The following AUTS2 variants were observed in gnomAD, a reference collection of about 807,000 sequenced individuals.
AUTS2 encodes the protein activator of transcription and developmental regulator AUTS2.
A neutral mutation model predicts 112.4 loss-of-function variants in AUTS2; 17 were observed. The ratio of observed to expected loss-of-function variants is 0.15; its 90% CI spans 0.10 to 0.23. The LOEUF (loss-of-function observed/expected upper bound fraction) is 0.23, where lower values mean the gene tolerates loss of function less well. AUTS2 is among the 10% of genes least tolerant of loss of function. The pLI, the probability that AUTS2 is intolerant of heterozygous loss-of-function variation, is 1.00. For missense variants in AUTS2, 1,510 were observed against 1,701.6 expected (o/e 0.89, Z 1.98); for synonymous variants, 751 against 702.7 (o/e 1.07, Z -1.09).
At chr7:70,135,974 A>G (rs1806537631) in intron 4 of AUTS2, among the ~76,000 whole-genome samples, 2 of 152,044 alleles carry the variant, frequency 1.3e-5, no homozygotes, top group South Asian at 2.1e-4. Flanking sequence ...CAAAGCCACT[A>G]CCTTAGTCCT....
intron 1 of AUTS2, among the ~76,000 whole-genome samples, chr7:69,766,384 G>T (rs1178414439): frequency 6.6e-6 from 1 of 152,132 alleles, no homozygotes; most frequent in Admixed American, 6.6e-5. Context: ...ACTCTTGGCT[G>T]TTACAAATAA....
chr7:70,009,103 T>C (rs780129027), intron 2 of AUTS2, among the ~76,000 whole-genome samples: 22 of 152,018 alleles, frequency 1.4e-4, no homozygotes, highest in Non-Finnish European at 2.5e-4. Flanking sequence ...AAGAGTATGG[T>C]GCTGGCATCT....
chr7:70,540,180 G>A (rs1800492715), intron 5 of AUTS2, among the ~76,000 whole-genome samples: 1 of 152,134 alleles, frequency 6.6e-6, no homozygotes, highest in South Asian at 2.1e-4. Flanking sequence ...TCCTTCTTGG[G>A]TGGTAGGTTA....
At chr7:69,687,444 T>G (rs1267766012) in intron 1 of AUTS2, among the ~76,000 whole-genome samples, 1 of 152,168 alleles carries the variant, frequency 6.6e-6, no homozygotes, top group East Asian at 1.9e-4. Context: ...TTTATATACT[T>G]TGCTAACTTG....
chr7:70,373,092 G>C (rs755685594), intron 4 of AUTS2, among the ~76,000 whole-genome samples: 1 of 151,602 alleles, frequency 6.6e-6, no homozygotes, highest in East Asian at 1.9e-4. Flanking sequence ...GCAATATCAC[G>C]TGAATAATTT....
chr7:70,388,032 C>T (rs1293974993), intron 4 of AUTS2, among the ~76,000 whole-genome samples: 1 of 152,182 alleles, frequency 6.6e-6, no homozygotes, highest in Non-Finnish European at 1.5e-5. Context: ...CTGTCCTAAG[C>T]AAAGCACTGA....
intron 4 of AUTS2, among the ~76,000 whole-genome samples, chr7:70,136,978 C>T (rs551241100): frequency 2.0e-5 from 3 of 152,274 alleles, no homozygotes; most frequent in African/African-American, 7.2e-5. Flanking sequence ...TGCACACACA[C>T]GCATACACAC....
chr7:70,357,574 G>A (rs1302710886), intron 4 of AUTS2, among the ~76,000 whole-genome samples: 3 of 152,104 alleles, frequency 2.0e-5, no homozygotes. Flanking sequence ...CCTTGAAAGA[G>A]GTACACACTC....
At chr7:70,788,179 C>G (rs576641557) in intron 18 of AUTS2, among the ~76,000 whole-genome samples, 26 of 151,918 alleles carry the variant, frequency 1.7e-4, no homozygotes, top group Non-Finnish European at 3.2e-4. Flanking sequence ...TTTAAATGAA[C>G]TGATAAGGAA....
At chr7:69,704,330 T>C (rs1013992840) in intron 1 of AUTS2, among the ~76,000 whole-genome samples, 23 of 151,774 alleles carry the variant, frequency 1.5e-4, no homozygotes, top group African/African-American at 5.6e-4. Context: ...CAGGCTGGAG[T>C]GCGGTGGTGC....
chr7:70,418,769 A>G (rs763850926), intron 4 of AUTS2, among the ~76,000 whole-genome samples: 1 of 152,200 alleles, frequency 6.6e-6, no homozygotes, highest in Non-Finnish European at 1.5e-5. Flanking sequence ...ATCAAAAACG[A>G]CAGTAAATGT....
chr7:69,739,147 A>G (rs993522458), intron 1 of AUTS2, among the ~76,000 whole-genome samples: 1 of 152,074 alleles, frequency 6.6e-6, no homozygotes, highest in Non-Finnish European at 1.5e-5. Context: ...ACAACCCACC[A>G]CCTTCACTTC....
chr7:70,639,076 T>C (rs928443990), intron 5 of AUTS2, among the ~76,000 whole-genome samples: 1 of 152,088 alleles, frequency 6.6e-6, no homozygotes, highest in African/African-American at 2.4e-5. Flanking sequence ...CTCTTACAAA[T>C]GTAAAAAAGT....
At position 70,524,328 on chromosome 7, in the gene AUTS2, G is replaced by A. The variant is rs1029600956; in HGVS notation, c.690+88547G>A. Among the ~76,000 whole-genome samples, 37 of 152,222 alleles carry A rather than the reference G, an allele frequency of 2.4e-4. 1 individual carries two copies. Among genetic ancestry groups the A allele is most frequent in the Non-Finnish European group, 4.3e-4 (29 of 68,020 alleles). ...ACTTACAATGGTCATTATTCCATGTGAAGACTGTTTCCACCATATAGTTGG... is the reference window on the plus strand; with the variant it reads ...ACTTACAATGGTCATTATTCCATGTAAAGACTGTTTCCACCATATAGTTGG... On this transcript the variant is annotated intron_variant, in intron 5 of 18. Coordinates refer to ENST00000342771, the MANE Select transcript of AUTS2 (RefSeq NM_015570.4).
At chr7:70,702,485 C>G (rs1467383000) in intron 6 of AUTS2, among the ~76,000 whole-genome samples, 3 of 152,244 alleles carry the variant, frequency 2.0e-5, no homozygotes, top group Admixed American at 6.5e-5. Flanking sequence ...CACCCCTTCT[C>G]TTTCCTTCAA....
At chr7:69,996,634 G>A (rs1468453963) in intron 2 of AUTS2, among the ~76,000 whole-genome samples, 1 of 151,940 alleles carries the variant, frequency 6.6e-6, no homozygotes, top group Middle Eastern at 3.2e-3. Flanking sequence ...TCGCCCACCC[G>A]CTTCCCTTTC....
chr7:69,748,515 A>T (rs890379252), intron 1 of AUTS2, among the ~76,000 whole-genome samples: 16 of 152,212 alleles, frequency 1.1e-4, no homozygotes, highest in African/African-American at 3.6e-4. Flanking sequence ...TGGAACTTTC[A>T]TAGTAACAGT....
chr7:70,260,676 G>C (rs1787121674), intron 4 of AUTS2, among the ~76,000 whole-genome samples: 1 of 151,922 alleles, frequency 6.6e-6, no homozygotes, highest in African/African-American at 2.4e-5. Context: ...TATATATAGT[G>C]CAGCAGTCCC....
chr7:70,731,570 C>T (rs1787395793), intron 6 of AUTS2, among the ~76,000 whole-genome samples: 1 of 151,720 alleles, frequency 6.6e-6, no homozygotes, highest in Non-Finnish European at 1.5e-5. Context: ...GCTGGTACTA[C>T]AGGTGCCCGC....
Sources: gnomAD v4.1 joint callset for allele counts (sites outside exome capture counted in the v4.1 genomes callset) on GRCh38, gnomAD v4.1.1 for gene constraint, MANE v1.5 for transcripts, NCBI Gene and HGNC (gene_info 2026-07-23, HGNC 2026-07-21) for gene names.